Variants in C2orf80 observed in about 807,000 individuals in gnomAD.
C2orf80 encodes the protein uncharacterized protein C2orf80.
In C2orf80, 28 loss-of-function variants were observed where a neutral mutation model predicts 30.2. The ratio of observed to expected loss-of-function variants is 0.93; its 90% CI spans 0.69 to 1.27. The LOEUF is 1.27. Among genes scored for constraint, C2orf80 ranks in the 50% most tolerant of loss-of-function variants. The probability of loss-of-function intolerance (pLI) is 0.00; values close to 1 mark genes in which losing one functional copy is unlikely to be tolerated. For missense variants in C2orf80, 220 were observed against 231.0 expected, an observed-to-expected ratio of 0.95 and a Z score of 0.31; for synonymous variants, 80 against 76.4, an observed-to-expected ratio of 1.05 and a Z score of -0.24.
Position 208,170,999 on chromosome 2 carries a change from A to G in C2orf80, c.519T>C (p.Asn173=), listed in dbSNP as rs761631306. 2 of 1,614,066 alleles carry G rather than the reference A, an allele frequency of 1.2e-6. No individual in the cohort carries two copies. The highest frequency in any genetic ancestry group is 8.5e-7 in the Non-Finnish European group (1 of 1,179,974). The change falls in exon 8 of 9, where the codon AAT becomes AAC. Residue 173 remains asparagine, a synonymous_variant. Transcript: ENST00000341287. Reference sequence around the variant, plus strand: ...TTTGTGATGATTTCCATTCTGTGGCATTTGCTTCCTTTGCAGAGATGCTGG... The same window carrying G: ...TTTGTGATGATTTCCATTCTGTGGCGTTTGCTTCCTTTGCAGAGATGCTGG... The part of the protein sequence containing the change: ...NATSISAKEA[N]ATEWKSSQRF...
chr2:208,171,316 A>T (rs1696091295), intron 7 of C2orf80, among the ~76,000 whole-genome samples: 1 of 151,054 alleles, frequency 6.6e-6, no homozygotes, highest in Non-Finnish European at 1.5e-5. Context: ...CAGCTATTTT[A>T]TTTATTTATT....
rs568299775 is a variant in C2orf80 at position 208,170,932 on chromosome 2, A to G, written c.573+13T>C. ...TGGTATCAGTTTGGTCCAATTTACA[A>G]TCTCACACCTACTTTGTGCTTTGGC... On this transcript the variant is annotated intron_variant, in intron 8 of 8. Coordinates refer to ENST00000341287, the MANE Select transcript of C2orf80 (RefSeq NM_001099334.3). 106 of 1,606,598 alleles carry G rather than the reference A, an allele frequency of 6.6e-5. No homozygotes were observed. The South Asian group carries it at 1.1e-3, about 17-fold the overall frequency.
In C2orf80 at chr2:208,171,938, T is replaced by A. The variant is rs367620410; in HGVS notation, c.454+50A>T. ...TACCTGGTGAGCCTACTTCCTAATT[T>A]CCTAGTTTGACTTACATTCCTCTAA... On this transcript the variant is annotated intron_variant, in intron 7 of 8. Transcript: ENST00000341287. 2.6e-5 allele frequency: 38 copies of A among 1,467,134 alleles called. No homozygotes were observed. In the Middle Eastern group the frequency reaches 1.0e-3, roughly 40 times the overall value. 90.9% of individuals were successfully genotyped at this position (1,467,134 alleles called of 1,614,324 possible).
Position 208,165,758 on chromosome 2 carries a change from C to G in C2orf80, c.*49G>C, listed in dbSNP as rs1486537405. The G allele has an allele frequency of 1.2e-6, 2 of 1,611,802 alleles. No homozygotes were observed. The highest frequency in any genetic ancestry group is 1.1e-5 in the South Asian group (1 of 90,596). On this transcript the variant is annotated 3_prime_UTR_variant, in exon 9 of 9. Transcript: ENST00000341287. ...GTGGTTTTAAGATGATGCTTCTCGT[C>G]TGCTCCCAGAGAATCTATTATGAAG...
At chr2:208,181,456 C>T (rs547059793) in intron 4 of C2orf80, 151 bp from the exon 5 acceptor site, 25 of 554,342 alleles carry the variant, frequency 4.5e-5, no homozygotes, top group South Asian at 5.6e-5. Context: ...GTTCCTCCAT[C>T]GGTGAAATCC....
intron 2 of C2orf80, among the ~76,000 whole-genome samples, chr2:208,186,262 G>A (rs1696715444): frequency 6.6e-6 from 1 of 152,096 alleles, no homozygotes; most frequent in Admixed American, 6.5e-5. Context: ...ATTATCTTAG[G>A]AGGCCGAGAA....
At chr2:208,180,551 T>C (rs1696523554) in intron 6 of C2orf80, among the ~76,000 whole-genome samples, 194 bp downstream of exon 6, 1 of 152,174 alleles carries the variant, frequency 6.6e-6, no homozygotes, top group African/African-American at 2.4e-5. Context: ...TTGTTATTAC[T>C]GCATGGTCTT....
chr2:208,180,828 C>T lies in C2orf80; in HGVS notation c.295-12G>A, dbSNP rs759948270. On this transcript the variant is annotated splice_polypyrimidine_tract_variant and intron_variant, in intron 5 of 8. Transcript: ENST00000341287. ...ATCGGGATACTGTTCTGTTAAACAACAACAGCAATAACAAAGTATGATCAT... is the reference window on the plus strand; with the variant it reads ...ATCGGGATACTGTTCTGTTAAACAATAACAGCAATAACAAAGTATGATCAT... The T allele has an allele frequency of 6.2e-7, 1 of 1,608,174 alleles. No homozygotes were observed. Among genetic ancestry groups the T allele is most frequent in the African/African-American group, 1.3e-5 (1 of 74,862 alleles).
chr2:208,181,500 A>T (rs569926649), intron 4 of C2orf80, among the ~76,000 whole-genome samples, 195 bp from the exon 5 acceptor site: 1 of 152,272 alleles, frequency 6.6e-6, no homozygotes, highest in Admixed American at 6.5e-5. Context: ...AATAATGGTG[A>T]TGAATTTGGC....
chr2:208,187,873 C>T (rs1469015936), intron 1 of C2orf80, among the ~76,000 whole-genome samples: 4 of 151,460 alleles, frequency 2.6e-5, no homozygotes, highest in Admixed American at 6.6e-5. Flanking sequence ...TCCAATCAGT[C>T]GAAAGCCTTG....
In C2orf80 at chr2:208,180,756, C is replaced by G; in HGVS notation, c.355G>C (p.Gly119Arg). The change falls in exon 6 of 9, where the codon GGT becomes CGT. Residue 119 changes from glycine (G) to arginine (R), a missense_variant. Physicochemically the swap from Gly to Arg is moderately radical, Grantham distance 125. Coordinates refer to ENST00000341287, the MANE Select transcript of C2orf80 (RefSeq NM_001099334.3). ...CAGGTCACCCTTACCTTGATGGTACCAGAATCGGCAGAAGAATCAGCCCCA... is the reference window on the plus strand; with the variant it reads ...CAGGTCACCCTTACCTTGATGGTACGAGAATCGGCAGAAGAATCAGCCCCA... ...IYGADSSADS[G>R]TIKVPRVSSL... 14 of 1,613,358 alleles carry G rather than the reference C, an allele frequency of 8.7e-6. 1 individual carries two copies. Among genetic ancestry groups the G allele is most frequent in the Non-Finnish European group, 1.2e-5 (14 of 1,179,564 alleles).
intron 3 of C2orf80, 37 bp downstream of exon 3, chr2:208,184,914 A>G (rs1214243026): frequency 6.5e-7 from 1 of 1,530,066 alleles, no homozygotes; most frequent in Non-Finnish European, 9.1e-7. Context: ...TACACATATA[A>G]CACAAATATG....
At chr2:208,167,790 G>C (rs888854274) in intron 8 of C2orf80, among the ~76,000 whole-genome samples, 1 of 151,546 alleles carries the variant, frequency 6.6e-6, no homozygotes, top group Admixed American at 6.6e-5. Flanking sequence ...TGTTCAGGCT[G>C]GTCTTGAATG....
chr2:208,175,846 C>T (rs1696273468), intron 6 of C2orf80, among the ~76,000 whole-genome samples: 1 of 151,974 alleles, frequency 6.6e-6, no homozygotes, highest in Non-Finnish European at 1.5e-5. Context: ...TGCTACATTG[C>T]TATCGAGAGG....
At position 208,188,084 on chromosome 2, in the gene C2orf80, C is replaced by CTG. The variant is rs1344176658; in HGVS notation, c.-75-1024_-75-1023insCA. On this transcript the variant is annotated intron_variant, in intron 1 of 8. Transcript: ENST00000341287. The stretch of plus-strand genomic sequence containing the variant: ...AAGAGATGGTTAAGCCTATACTGCA[C>CTG]CGTGTGTGTGTGTGTGTGTGTGTGT... Among the ~76,000 whole-genome samples, 10 of 93,940 alleles carry CTG rather than the reference C, an allele frequency of 1.1e-4. No homozygotes were observed. The South Asian group carries it at 1.2e-3, about 12-fold the overall frequency. The allele number at this position is 93,940 out of a possible 152,430, so 61.6% of individuals were successfully genotyped here.
chr2:208,183,006 C>T lies in C2orf80; in HGVS notation c.165G>A (p.Leu55=), dbSNP rs773420440. 6.2e-7 allele frequency: 1 copy of T among 1,614,056 alleles called. No homozygotes were observed. Among genetic ancestry groups the T allele is most frequent in the Non-Finnish European group, 8.5e-7 (1 of 1,179,972 alleles). ...DLAISVALQW[L]DPSEDLTWLE... is the part of the protein sequence containing the mutation. ...GCCAAGTTAAGTCTTCTGAGGGATC[C>T]AGCCATTGCAAAGCAACACTGATGG... is the stretch of plus-strand genomic sequence containing the variant. The change falls in exon 4 of 9, where the codon CTG becomes CTA. Residue 55 remains leucine, a synonymous_variant. Coordinates refer to ENST00000341287, the MANE Select transcript of C2orf80 (RefSeq NM_001099334.3).
At chr2:208,168,935 G>C (rs561083247) in intron 8 of C2orf80, among the ~76,000 whole-genome samples, 2 of 151,088 alleles carry the variant, frequency 1.3e-5, no homozygotes, top group Non-Finnish European at 2.9e-5. Context: ...TTTGAGAACC[G>C]TCACCTAAGG....
intron 5 of C2orf80, 107 bp downstream of exon 5, chr2:208,181,111 A>G (rs1696543616): frequency 1.2e-6 from 1 of 869,426 alleles, no homozygotes; most frequent in African/African-American, 1.7e-5. Context: ...ATAACTCCTA[A>G]ACATTTAGAA....
chr2:208,181,155 C>G, intron 5 of C2orf80, 63 bp downstream of exon 5: 1 of 1,098,698 alleles, frequency 9.1e-7, no homozygotes, highest in Non-Finnish European at 1.4e-6. Flanking sequence ...ATATTCATTA[C>G]TGTAAAAATG....
Sources: allele counts gnomAD v4.1 joint callset (sites outside exome capture counted in the v4.1 genomes callset), GRCh38; gene constraint gnomAD v4.1.1; transcripts MANE v1.5; gene names NCBI Gene and HGNC (gene_info 2026-07-23, HGNC 2026-07-21).